DHX9: variants seen among roughly 807,000 people sequenced by gnomAD.
The protein encoded by DHX9 is DExH-box helicase 9.
DHX9 carries 27 observed loss-of-function variants against 148.7 expected under a neutral mutation model. The ratio of observed to expected loss-of-function variants is 0.18; its 90% CI spans 0.13 to 0.25. The LOEUF (loss-of-function observed/expected upper bound fraction) is 0.25, where lower values mean the gene tolerates loss of function less well. DHX9 is among the 10% of genes least tolerant of loss of function. The probability of loss-of-function intolerance (pLI) is 1.00; values close to 1 mark genes in which losing one functional copy is unlikely to be tolerated. For synonymous variants in DHX9, 529 were observed against 516.6 expected (o/e 1.02, Z -0.33); for missense variants, 796 against 1,559.6 (o/e 0.51, Z 8.25).
At chr1:182,850,820 GCACTGTGA>G (rs1182393803) in intron 3 of DHX9, among the ~76,000 whole-genome samples, 2 of 152,164 alleles carry the variant, frequency 1.3e-5, no homozygotes, top group East Asian at 3.8e-4. Flanking sequence ...CCAAGATTAT[GCACTGTGA>G]CACTTTCAAT....
At chr1:182,885,637 C>G (rs892997053) in intron 27 of DHX9, among the ~76,000 whole-genome samples, 4 of 152,198 alleles carry the variant, frequency 2.6e-5, no homozygotes, top group African/African-American at 9.6e-5. Flanking sequence ...GGCATTTGAT[C>G]TATCTGTAAG....
At chr1:182,882,291 T>G (rs1469402791) in intron 24 of DHX9, among the ~76,000 whole-genome samples, 1 of 152,228 alleles carries the variant, frequency 6.6e-6, no homozygotes, top group Non-Finnish European at 1.5e-5. Context: ...AAATTGTCTT[T>G]AATTCATCCA....
intron 26 of DHX9, 142 bp downstream of exon 26, chr1:182,883,777 G>A (rs375156050): frequency 2.0e-6 from 1 of 495,552 alleles, no homozygotes. Context: ...ATTGATACCA[G>A]TAGAAGCAAA....
intron 1 of DHX9, among the ~76,000 whole-genome samples, chr1:182,840,351 G>A (rs1360160938): frequency 6.9e-6 from 1 of 145,560 alleles, no homozygotes; most frequent in African/African-American, 2.6e-5. Flanking sequence ...CCAGACTGGA[G>A]TGCAGTGGCG....
Position 182,842,529 on chromosome 1 carries a change from AC to A in DHX9, c.-22-15del. 6.6e-7 allele frequency: 1 copy of A among 1,506,908 alleles called. No homozygotes were observed. The highest frequency in any genetic ancestry group is 9.1e-7 in the Non-Finnish European group (1 of 1,097,252). The allele number at this position is 1,506,908 out of a possible 1,614,324, so 93.3% of individuals were successfully genotyped here. On this transcript the variant is annotated splice_polypyrimidine_tract_variant and intron_variant, in intron 1 of 27. Coordinates refer to ENST00000367549, the MANE Select transcript of DHX9 (RefSeq NM_001357.5). ...CTATTATAAATGCTGTTTTTAACTG[AC>A]TTTTGTTTTCTTAGATCTGAAGAAG...
chr1:182,857,373 A>G (rs180973127), intron 7 of DHX9, among the ~76,000 whole-genome samples: 1 of 152,312 alleles, frequency 6.6e-6, no homozygotes, highest in East Asian at 1.9e-4. Flanking sequence ...AATATTTTCT[A>G]TAAGGATATG....
At chr1:182,875,320 C>T in intron 16 of DHX9, 1 of 403,124 alleles carries the variant, frequency 2.5e-6, no homozygotes, top group South Asian at 1.8e-5. Context: ...TGCTGTGCCC[C>T]ACCCTAGATC....
intron 27 of DHX9, 90 bp downstream of exon 27, chr1:182,884,903 AT>A: frequency 8.1e-7 from 1 of 1,230,902 alleles, no homozygotes; most frequent in East Asian, 2.3e-5. Context: ...TAGAAGCCCT[AT>A]TACTTAAGTA....
At chr1:182,839,986 C>G (rs1000735357) in intron 1 of DHX9, 3 of 152,284 alleles carry the variant, frequency 2.0e-5, no homozygotes, top group Admixed American at 1.3e-4. Flanking sequence ...TCGGCCAACG[C>G]GAAGGAAAAG....
chr1:182,849,379 C>G lies in DHX9; in HGVS notation c.253-2854C>G, dbSNP rs372324133. 2.6e-5 allele frequency among the ~76,000 whole-genome samples: 4 copies of G among 152,090 alleles called. No individual in the cohort carries two copies. The South Asian group carries it at 6.2e-4, about 24-fold the overall frequency. The stretch of plus-strand genomic sequence containing the variant: ...ACATCTTATTCATCTGTTAATATTT[C>G]AGTTTTTAACTAAAACATAATTCTT... On this transcript the variant is annotated intron_variant, in intron 3 of 27. Coordinates refer to ENST00000367549, the MANE Select transcript of DHX9 (RefSeq NM_001357.5).
rs759227845 is a variant in DHX9, at chr1:182,887,262, TTGG to T, written c.3645_3647del (p.Gly1217del). On this transcript the variant is annotated inframe_deletion, in exon 28 of 28. Coordinates refer to ENST00000367549, the MANE Select transcript of DHX9 (RefSeq NM_001357.5). ...TTTCGGGCAGGATATGGTGCAGGTGTTGGTGGAGGCTATAGAGGAGTTTCCCGA... is the reference window on the plus strand; with the variant it reads ...TTTCGGGCAGGATATGGTGCAGGTGTTGGAGGCTATAGAGGAGTTTCCCGA... 9.9e-6 allele frequency: 16 copies of T among 1,613,888 alleles called. 1 individual carries two copies. The highest frequency in any genetic ancestry group is 4.4e-5 in the South Asian group (4 of 91,070).
chr1:182,856,872 C>T (rs567786114), intron 7 of DHX9, among the ~76,000 whole-genome samples: 1 of 152,226 alleles, frequency 6.6e-6, no homozygotes, highest in South Asian at 2.1e-4. Flanking sequence ...TTTTTTGAGA[C>T]GGAGTCTTGC....
Position 182,887,482 on chromosome 1 carries a change from C to T in DHX9, c.*48C>T, listed in dbSNP as rs1199547883. 1 of 1,508,144 alleles carries T rather than the reference C, an allele frequency of 6.6e-7. No individual in the cohort carries two copies. Among genetic ancestry groups the T allele is most frequent in the Non-Finnish European group, 9.0e-7 (1 of 1,105,286 alleles). 93.4% of individuals were successfully genotyped at this position (1,508,144 alleles called of 1,614,324 possible). A position where few individuals can be genotyped will look rare whatever the true frequency, so the allele number is the denominator to read the frequency against. ...TGTGTAGACAGTAAGGAAAAAAAGG[C>T]ATGCTATGTGTTACGTGTTTTTTCC... is the stretch of plus-strand genomic sequence containing the variant. On this transcript the variant is annotated 3_prime_UTR_variant, in exon 28 of 28. Transcript: ENST00000367549.
rs552184255 is a variant in DHX9, at chr1:182,872,122, A to C, written c.1558-215A>C. 3.9e-5 allele frequency among the ~76,000 whole-genome samples: 6 copies of C among 152,316 alleles called. No individual in the cohort carries two copies. The South Asian group carries it at 1.2e-3, about 32-fold the overall frequency. ...GGCCTGGCCAATAGCACTCATTTCT[A>C]ATCACAACTATTAGGCTACAACTGT... On this transcript the variant is annotated intron_variant, in intron 14 of 27. Transcript: ENST00000367549.
rs200615915 is a variant in DHX9 at position 182,856,568 on chromosome 1, G to C, written c.663G>C (p.Gln221His). ...CAGAAATGACCATTTATATCAAGCAGCTGGGCAGAAGTAAGTGTTACTGTT... is the reference window on the plus strand; with the variant it reads ...CAGAAATGACCATTTATATCAAGCACCTGGGCAGAAGTAAGTGTTACTGTT... ...FIAEMTIYIK[Q>H]LGRRIFAREH... The change falls in exon 7 of 28, where the codon CAG (glutamine) becomes CAC (histidine). Residue 221 changes from glutamine (Q) to histidine (H), a missense_variant. Gln to His is a conservative substitution (Grantham distance 24). Coordinates refer to ENST00000367549, the MANE Select transcript of DHX9 (RefSeq NM_001357.5). The C allele has an allele frequency of 6.2e-7, 1 of 1,613,986 alleles. No individual in the cohort carries two copies. Among genetic ancestry groups the C allele is most frequent in the African/African-American group, 1.3e-5 (1 of 75,054 alleles).
intron 12 of DHX9, among the ~76,000 whole-genome samples, chr1:182,862,824 G>A (rs901566477): frequency 6.6e-6 from 1 of 152,184 alleles, no homozygotes; most frequent in African/African-American, 2.4e-5. Context: ...CAGTTTGGGA[G>A]AGATCTCCAA....
intron 1 of DHX9, chr1:182,839,752 G>GGGCACCGC (rs1200524686): frequency 6.6e-6 from 1 of 152,348 alleles, no homozygotes. Flanking sequence ...GCGTACGCCG[G>GGGCACCGC]GGCACCGCGG....
chr1:182,855,674 A>T, intron 6 of DHX9: 1 of 985,452 alleles, frequency 1.0e-6, no homozygotes, highest in Non-Finnish European at 1.2e-6. Flanking sequence ...TTCCCCTGAA[A>T]GCCAGTGGCC....
chr1:182,855,640 T>G, intron 6 of DHX9: 6 of 985,432 alleles, frequency 6.1e-6, no homozygotes, highest in Non-Finnish European at 7.2e-6. Flanking sequence ...GGCATCGATG[T>G]CATTAATGAA....
Sources: allele counts gnomAD v4.1 joint callset (sites outside exome capture counted in the v4.1 genomes callset), GRCh38; gene constraint gnomAD v4.1.1; transcripts MANE v1.5; gene names NCBI Gene and HGNC (gene_info 2026-07-23, HGNC 2026-07-21).